The following ACTG2 variants were observed in gnomAD, a reference collection of about 807,000 sequenced individuals.
ACTG2 encodes the protein actin, gamma-enteric smooth muscle.
In ACTG2, 16 loss-of-function variants were observed where a neutral mutation model predicts 37.6. That is an observed-to-expected ratio of 0.43 (90% CI 0.29 to 0.65). The LOEUF (loss-of-function observed/expected upper bound fraction) is 0.65, where lower values mean the gene tolerates loss of function less well. Ranked by LOEUF, ACTG2 falls within the 30% of genes least tolerant of loss-of-function variation. The pLI is 0.18. For synonymous variants in ACTG2, 181 were observed against 179.9 expected (o/e 1.01, Z -0.05); for missense variants, 238 against 490.9 (o/e 0.48, Z 4.87).
chr2:73,914,558 CAAAAAAA>C (rs59417466), intron 6 of ACTG2, 115 bp from the exon 7 acceptor site: 13 of 512,496 alleles, frequency 2.5e-5, no homozygotes, highest in Admixed American at 6.2e-5. Context: ...GACTCTGTCT[CAAAAAAA>C]AAAAAAAAAA....
At chr2:73,908,912 C>A in intron 4 of ACTG2, 129 bp downstream of exon 4, 1 of 1,208,152 alleles carries the variant, frequency 8.3e-7, no homozygotes, top group South Asian at 1.3e-5. Context: ...TGGTCCATGC[C>A]AGGCCCTGGG....
intron 3 of ACTG2, among the ~76,000 whole-genome samples, chr2:73,907,935 C>CAAGT (rs1680047649): frequency 6.6e-6 from 1 of 152,312 alleles, no homozygotes; most frequent in Non-Finnish European, 1.5e-5. Context: ...AAATTGAGCC[C>CAAGT]AAGTGCCTCT....
intron 8 of ACTG2, among the ~76,000 whole-genome samples, chr2:73,917,719 T>C (rs1680298641): frequency 6.6e-6 from 1 of 152,174 alleles, no homozygotes; most frequent in Non-Finnish European, 1.5e-5. Flanking sequence ...CCCCGGGCCT[T>C]CCCCCTGCCT....
intron 1 of ACTG2, among the ~76,000 whole-genome samples, chr2:73,900,268 C>G (rs1462878736): frequency 6.6e-6 from 1 of 152,222 alleles, no homozygotes; most frequent in Non-Finnish European, 1.5e-5. Flanking sequence ...CCCACTGGGT[C>G]CTCCCAGGGT....
Position 73,902,402 on chromosome 2 carries a change from G to T in ACTG2, c.169G>T (p.Asp57Tyr). ...GGGCCAGAAAGACAGCTATGTGGGG[G>T]ATGAGGCTCAGAGCAAGCGAGGGAT... ...GMGQKDSYVG[D>Y]EAQSKRGILT... The change falls in exon 3 of 9, where the codon GAT becomes TAT. Residue 57 changes from aspartate to tyrosine, a missense_variant. Asp to Tyr is a radical substitution (Grantham distance 160). Coordinates refer to ENST00000345517, the MANE Select transcript of ACTG2 (RefSeq NM_001615.4). The T allele has an allele frequency of 6.2e-7, 1 of 1,614,030 alleles. No homozygotes were observed. The highest frequency in any genetic ancestry group is 8.5e-7 in the Non-Finnish European group (1 of 1,180,012).
In ACTG2 at chr2:73,909,117, C is replaced by T; in HGVS notation, c.429C>T (p.Leu143=). ...MYVAIQAVLS[L]YASGRTTGIV... Reference sequence around the variant, plus strand: ...TCGCCATTCAAGCTGTGCTCTCCCTCTATGCCTCTGGCCGCACGACAGGTG... The same window carrying T: ...TCGCCATTCAAGCTGTGCTCTCCCTTTATGCCTCTGGCCGCACGACAGGTG... The change falls in exon 5 of 9, where the codon CTC becomes CTT. Residue 143 remains leucine, a synonymous_variant. Transcript: ENST00000345517. The T allele has an allele frequency of 1.2e-6, 2 of 1,614,006 alleles. No homozygotes were observed.
At chr2:73,895,617 G>A (rs79930715) in intron 1 of ACTG2, among the ~76,000 whole-genome samples, 55 of 152,306 alleles carry the variant, frequency 3.6e-4, no homozygotes, top group African/African-American at 1.2e-3. Context: ...GAGGCCCTCC[G>A]TTTAGGCCTA....
intron 5 of ACTG2, 26 bp from the exon 6 acceptor site, chr2:73,913,459 A>G (rs773360995): frequency 1.3e-6 from 2 of 1,552,904 alleles, no homozygotes; most frequent in South Asian, 2.4e-5. Flanking sequence ...TGAGAATTTT[A>G]TAAGCCTGAT....
chr2:73,909,111 C>G lies in ACTG2; in HGVS notation c.423C>G (p.Leu141=). The part of the protein sequence containing the change: ...PAMYVAIQAV[L]SLYASGRTTG... ...TGTACGTCGCCATTCAAGCTGTGCT[C>G]TCCCTCTATGCCTCTGGCCGCACGA... Residue 141 remains leucine, a synonymous_variant, in exon 5 of 9, where the codon CTC becomes CTG. Coordinates refer to ENST00000345517, the MANE Select transcript of ACTG2 (RefSeq NM_001615.4). 5.0e-6 allele frequency: 8 copies of G among 1,614,076 alleles called. No individual in the cohort carries two copies. Among genetic ancestry groups the G allele is most frequent in the Non-Finnish European group, 6.8e-6 (8 of 1,179,926 alleles).
chr2:73,895,699 G>A (rs540653824), intron 1 of ACTG2, among the ~76,000 whole-genome samples: 1 of 152,332 alleles, frequency 6.6e-6, no homozygotes, highest in Admixed American at 6.5e-5. Flanking sequence ...ATTGATGTGT[G>A]AAATGGATCA....
chr2:73,911,324 A>G (rs1330757011), intron 5 of ACTG2, among the ~76,000 whole-genome samples: 2 of 151,846 alleles, frequency 1.3e-5, no homozygotes, highest in East Asian at 3.9e-4. Flanking sequence ...GCTACAACCT[A>G]TCTCTACAAA....
chr2:73,900,085 G>A (rs1424975165), intron 1 of ACTG2, among the ~76,000 whole-genome samples: 3 of 152,152 alleles, frequency 2.0e-5, no homozygotes, highest in African/African-American at 7.2e-5. Context: ...AGGGTCACAG[G>A]TTTTAGAAGT....
chr2:73,901,279 C>A lies in ACTG2; in HGVS notation c.-33C>A. 1 of 1,531,798 alleles carries A rather than the reference C, an allele frequency of 6.5e-7. No individual in the cohort carries two copies. 94.9% of individuals were successfully genotyped at this position (1,531,798 alleles called of 1,614,324 possible). On this transcript the variant is annotated 5_prime_UTR_variant, in exon 2 of 9. Transcript: ENST00000345517. ...CTCTTCTCCCGCAAATCCCAAGGTG[C>A]TCCAGTCCCCAGCTCACTCAGCCAC...
At chr2:73,917,594 C>T (rs1377461389) in intron 8 of ACTG2, among the ~76,000 whole-genome samples, 2 of 152,238 alleles carry the variant, frequency 1.3e-5, no homozygotes, top group Non-Finnish European at 2.9e-5. Flanking sequence ...ATAGAAATAT[C>T]ACATTGGTTG....
chr2:73,915,694 G>T (rs1680252688), intron 7 of ACTG2, among the ~76,000 whole-genome samples: 1 of 152,118 alleles, frequency 6.6e-6, no homozygotes, highest in Non-Finnish European at 1.5e-5. Flanking sequence ...CCATACAATG[G>T]AATCTTATTT....
At position 73,902,785 on chromosome 2, in the gene ACTG2, ACCT is replaced by A. The variant is rs1468864050; in HGVS notation, c.255+302_255+304del. ...AAACACAGGTCAGCTCATGTCACTC[ACCT>A]CCTCAGAAATCTTCAGTAGCTCTTC... On this transcript the variant is annotated intron_variant, in intron 3 of 8. Coordinates refer to ENST00000345517, the MANE Select transcript of ACTG2 (RefSeq NM_001615.4). 36 of 1,542,730 alleles carry A rather than the reference ACCT, an allele frequency of 2.3e-5. No homozygotes were observed. In the African/African-American group the frequency reaches 2.5e-4, roughly 11 times the overall value.
chr2:73,906,203 G>A (rs1043989463), intron 3 of ACTG2, among the ~76,000 whole-genome samples: 25 of 151,930 alleles, frequency 1.6e-4, no homozygotes, highest in African/African-American at 6.0e-4. Flanking sequence ...TGTAATCCCA[G>A]CACTTTGGGA....
chr2:73,894,995 T>C (rs1249762504), intron 1 of ACTG2, among the ~76,000 whole-genome samples: 1 of 152,058 alleles, frequency 6.6e-6, no homozygotes, highest in African/African-American at 2.4e-5. Flanking sequence ...TACTGCAGCA[T>C]GCGGTGGTCC....
chr2:73,909,097 A>C lies in ACTG2; in HGVS notation c.409A>C (p.Ile137Leu). The C allele has an allele frequency of 6.2e-7, 1 of 1,614,144 alleles. No individual in the cohort carries two copies. Among genetic ancestry groups the C allele is most frequent in the Non-Finnish European group, 8.5e-7 (1 of 1,179,984 alleles). Reference sequence around the variant, plus strand: ...CAATGTCCCTGCCATGTACGTCGCCATTCAAGCTGTGCTCTCCCTCTATGC... The same window carrying C: ...CAATGTCCCTGCCATGTACGTCGCCCTTCAAGCTGTGCTCTCCCTCTATGC... ...TFNVPAMYVA[I>L]QAVLSLYASG... The change falls in exon 5 of 9, where the codon ATT (isoleucine) becomes CTT (leucine). Residue 137 changes from isoleucine (I) to leucine (L), a missense_variant. Coordinates refer to ENST00000345517, the MANE Select transcript of ACTG2 (RefSeq NM_001615.4).
Sources: allele counts gnomAD v4.1 joint callset (sites outside exome capture counted in the v4.1 genomes callset), GRCh38; gene constraint gnomAD v4.1.1; transcripts MANE v1.5; gene names NCBI Gene and HGNC (gene_info 2026-07-23, HGNC 2026-07-21).